The following DSP variants were observed in gnomAD, a reference collection of about 807,000 sequenced individuals.
The protein encoded by DSP is 250/210 kDa paraneoplastic pemphigus antigen.
DSP carries 114 observed loss-of-function variants against 290.6 expected under a neutral mutation model. That is an observed-to-expected ratio of 0.39 (90% CI 0.34 to 0.46). DSP has a LOEUF of 0.46. Ranked by LOEUF, DSP falls within the 20% of genes least tolerant of loss-of-function variation. The pLI is 0.99. For missense variants in DSP, 3,230 were observed against 3,495.8 expected (o/e 0.92, Z 1.92); for synonymous variants, 1,311 against 1,316.4 (o/e 1.00, Z 0.09).
rs142494121 is a variant in DSP at position 7,576,386 on chromosome 6, G to T, written c.2723G>T (p.Arg908Leu). Reference protein sequence around the residue: ...FCKWLYDAKRRQDSLESMKFG... With the variant: ...FCKWLYDAKRLQDSLESMKFG... ...AAGTGGCTCTATGATGCTAAACGCC[G>T]CCAGGATTCCTTAGAATCCATGAAA... The change falls in exon 19 of 24, where the codon CGC (arginine) becomes CTC (leucine). Residue 908 changes from arginine (R) to leucine (L), a missense_variant. This residue lies in a region of DSP where 1,714 missense variants were observed against 1,844.5 expected (regional missense o/e 0.93). Transcript: ENST00000379802. The T allele has an allele frequency of 6.8e-6, 11 of 1,613,962 alleles. No individual in the cohort carries two copies. The highest frequency in any genetic ancestry group is 5.0e-5 in the Admixed American group (3 of 60,000).
chr6:7,570,656 A>G, intron 13 of DSP, 93 bp downstream of exon 13: 2 of 1,575,860 alleles, frequency 1.3e-6, no homozygotes, highest in East Asian at 2.2e-5. Context: ...CTTGCTGTGT[A>G]GCAGTGCTTT....
intron 1 of DSP, among the ~76,000 whole-genome samples, chr6:7,550,102 A>G (rs1235125602): frequency 6.6e-6 from 1 of 152,154 alleles, no homozygotes; most frequent in Middle Eastern, 3.4e-3. Flanking sequence ...CAGTGGTGCA[A>G]TCTCGGCTCA....
At position 7,575,455 on chromosome 6, in the gene DSP, G is replaced by T. The variant is rs764965132; in HGVS notation, c.2597G>T (p.Arg866Leu). The change falls in exon 18 of 24, where the codon CGC becomes CTC. Residue 866 changes from arginine (R) to leucine (L), a missense_variant. This residue lies in a region of DSP where 1,714 missense variants were observed against 1,844.5 expected (regional missense o/e 0.93). Coordinates refer to ENST00000379802, the MANE Select transcript of DSP (RefSeq NM_004415.4). ...FGEKVTQLTD[R>L]WQRIDKQIDF... ...GAAAAAGTCACACAGCTGACAGACC[G>T]CTGGCAAAGGATAGATAAACAGATC... is the stretch of plus-strand genomic sequence containing the variant. 8 of 1,614,166 alleles carry T rather than the reference G, an allele frequency of 5.0e-6. No homozygotes were observed. In the South Asian group the frequency reaches 7.7e-5, roughly 16 times the overall value.
In DSP at chr6:7,580,778, G is replaced by A. The variant is rs141227126; in HGVS notation, c.4588G>A (p.Val1530Ile). ...GACGGAGACAATAAACAAACTGAAG[G>A]TTCAGGAGCAAGAACTGACACGCCT... The part of the protein sequence containing the change: ...SATETINKLK[V>I]QEQELTRLRI... Residue 1530 changes from valine (V) to isoleucine (I), a missense_variant, in exon 23 of 24, where the codon GTT becomes ATT. Val to Ile is a conservative substitution (Grantham distance 29, BLOSUM62 3). Around this residue, in one of 5 missense-constraint regions of DSP, gnomAD observed 1,714 missense variants for 1,844.5 expected, o/e 0.93. Transcript: ENST00000379802. This position sits in a 1 kb window ranked among gnomAD's most constrained non-coding sequence, Gnocchi z 4.2. 6 of 1,614,028 alleles carry A rather than the reference G, an allele frequency of 3.7e-6. No homozygotes were observed. In the South Asian group the frequency reaches 4.4e-5, roughly 12 times the overall value.
chr6:7,580,307 AC>A lies in DSP; in HGVS notation c.4119del (p.Lys1374ArgfsTer22). On this transcript the variant is annotated frameshift_variant, in exon 23 of 24. Coordinates refer to ENST00000379802, the MANE Select transcript of DSP (RefSeq NM_004415.4). LOFTEE classifies it high-confidence loss of function. This position sits in a 1 kb window ranked among gnomAD's most constrained non-coding sequence, Gnocchi z 4.2. ...TCAGTTTGAGACCGAGATCAACATC[AC>A]CAAGACCACCATCCACCAGCTCACC... is the stretch of plus-strand genomic sequence containing the variant. ...KNQFETEINITKTTIHQLTMQ... is the reference protein window; with the variant it reads ...KNQFETEINIXKTTIHQLTMQ... 1 of 1,614,040 alleles carries A rather than the reference AC, an allele frequency of 6.2e-7. No individual in the cohort carries two copies. Among genetic ancestry groups the A allele is most frequent in the Non-Finnish European group, 8.5e-7 (1 of 1,179,968 alleles).
intron 8 of DSP, 33 bp from the exon 9 acceptor site, chr6:7,567,321 T>C: frequency 6.3e-7 from 1 of 1,577,704 alleles, no homozygotes; most frequent in Non-Finnish European, 8.7e-7. Flanking sequence ...ACAACTGAGC[T>C]AGGCTAAGAC....
intron 2 of DSP, among the ~76,000 whole-genome samples, chr6:7,557,050 T>G (rs1290216883): frequency 6.6e-6 from 1 of 152,176 alleles, no homozygotes; most frequent in Non-Finnish European, 1.5e-5. Context: ...GTTAGGGAAA[T>G]AGTGTCATAT....
At position 7,584,712 on chromosome 6, in the gene DSP, A is replaced by C; in HGVS notation, c.7450A>C (p.Lys2484Gln). 2 of 1,614,222 alleles carry C rather than the reference A, an allele frequency of 1.2e-6. No individual in the cohort carries two copies. The highest frequency in any genetic ancestry group is 1.1e-5 in the South Asian group (1 of 91,084). Residue 2484 changes from lysine to glutamine, a missense_variant, in exon 24 of 24, where the codon AAG becomes CAG. Lys to Gln is a moderately conservative substitution (Grantham distance 53). Around this residue, in one of 5 missense-constraint regions of DSP, gnomAD observed 582 missense variants for 555.4 expected, o/e 1.05. Transcript: ENST00000379802. This position sits in a 1 kb window ranked among gnomAD's most constrained non-coding sequence, Gnocchi z 6.4. ...AGAAATGTCTGTTCAGGAGGCCTAC[A>C]AGAAGGGCCTAATTGATTATGAAAC... ...NKEMSVQEAY[K>Q]KGLIDYETFK...
chr6:7,581,384 G>A lies in DSP; in HGVS notation c.5194G>A (p.Asp1732Asn), dbSNP rs780224658. The change falls in exon 23 of 24, where the codon GAT becomes AAT. Residue 1732 changes from aspartate (D) to asparagine (N), a missense_variant. By Grantham distance (23) the Asp-to-Asn change is conservative. Around this residue, in one of 5 missense-constraint regions of DSP, gnomAD observed 1,714 missense variants for 1,844.5 expected, o/e 0.93. Transcript: ENST00000379802. ...EELRNLRLEYDDLRRGRSEAD... is the reference protein window; with the variant it reads ...EELRNLRLEYNDLRRGRSEAD... Reference sequence around the variant, plus strand: ...ACTGCGGAACCTGAGGCTGGAGTACGATGACCTGAGGAGAGGACGAAGCGA... The same window carrying A: ...ACTGCGGAACCTGAGGCTGGAGTACAATGACCTGAGGAGAGGACGAAGCGA... 45 of 1,614,066 alleles carry A rather than the reference G, an allele frequency of 2.8e-5. No homozygotes were observed. Among genetic ancestry groups the A allele is most frequent in the Non-Finnish European group, 3.5e-5 (41 of 1,180,044 alleles).
In DSP at chr6:7,569,262, G is replaced by T; in HGVS notation, c.1496G>T (p.Gly499Val). The T allele has an allele frequency of 1.9e-6, 3 of 1,614,194 alleles. No individual in the cohort carries two copies. The South Asian group carries it at 3.3e-5, about 18-fold the overall frequency. ...AGCAAGTGGTACGTGACGGGCCCGG[G>T]AGGCGTTGACATGCTTGTTCCCTCT... is the stretch of plus-strand genomic sequence containing the variant. ...ERSKWYVTGP[G>V]GVDMLVPSVG... is the part of the protein sequence containing the mutation. The change falls in exon 12 of 24, where the codon GGA (glycine) becomes GTA (valine). Residue 499 changes from glycine to valine, a missense_variant. By Grantham distance (109) the Gly-to-Val change is moderately radical. Around this residue, in one of 5 missense-constraint regions of DSP, gnomAD observed 646 missense variants for 684.3 expected, o/e 0.94. Coordinates refer to ENST00000379802, the MANE Select transcript of DSP (RefSeq NM_004415.4).
At chr6:7,563,599 T>C in intron 5 of DSP, 137 bp from the exon 6 acceptor site, 1 of 778,876 alleles carries the variant, frequency 1.3e-6, no homozygotes, top group Non-Finnish European at 2.2e-6. Context: ...GTGAAATATC[T>C]CATAGAGCTA....
chr6:7,579,399 C>T lies in DSP; in HGVS notation c.3209C>T (p.Ser1070Phe). 6.2e-7 allele frequency: 1 copy of T among 1,614,164 alleles called. No homozygotes were observed. The highest frequency in any genetic ancestry group is 8.5e-7 in the Non-Finnish European group (1 of 1,180,036). ...QNLQKYQAEC[S>F]QFKAKLASLE... is the part of the protein sequence containing the mutation. ...CTGCAGAAATACCAGGCAGAGTGTTCCCAGTTCAAAGCGAAGCTTGCGAGC... is the reference window on the plus strand; with the variant it reads ...CTGCAGAAATACCAGGCAGAGTGTTTCCAGTTCAAAGCGAAGCTTGCGAGC... Residue 1070 changes from serine to phenylalanine, a missense_variant, in exon 23 of 24, where the codon TCC becomes TTC. Ser to Phe is a radical substitution (Grantham distance 155). Transcript: ENST00000379802. The surrounding 1 kb of genome is among the most constrained non-coding windows in gnomAD (Gnocchi z 4.1).
Position 7,582,962 on chromosome 6 carries a change from A to C in DSP, c.5700A>C (p.Glu1900Asp). The C allele has an allele frequency of 6.2e-7, 1 of 1,614,120 alleles. No individual in the cohort carries two copies. The highest frequency in any genetic ancestry group is 8.5e-7 in the Non-Finnish European group (1 of 1,180,024). ...AGAACAGTCTTAGGAGTGAGATCGA[A>C]AGACTCCAAGCAGAGATCAAGAGAA... is the stretch of plus-strand genomic sequence containing the variant. ...REKNSLRSEI[E>D]RLQAEIKRIE... Residue 1900 changes from glutamate (E) to aspartate (D), a missense_variant, in exon 24 of 24, where the codon GAA becomes GAC. Transcript: ENST00000379802. This position sits in a 1 kb window ranked among gnomAD's most constrained non-coding sequence, Gnocchi z 4.2.
intron 15 of DSP, 139 bp from the exon 16 acceptor site, chr6:7,573,947 C>A: frequency 1.1e-6 from 1 of 927,874 alleles, no homozygotes; most frequent in Non-Finnish European, 1.7e-6. Context: ...TGGAAGTTGA[C>A]TGATGTGTTA....
intron 1 of DSP, among the ~76,000 whole-genome samples, chr6:7,551,629 CA>C (rs5874101): frequency 0.28 from 39,659 of 143,594 alleles, 5,667 homozygotes; most frequent in African/African-American, 0.39. Context: ...GACTCCTTCT[CA>C]AAAAAAAAAA....
In DSP at chr6:7,581,091, G is replaced by T. The variant is rs144106775; in HGVS notation, c.4901G>T (p.Arg1634Leu). ...IVKKRSEDDLRQQRDVLDGHL... is the reference protein window; with the variant it reads ...IVKKRSEDDLLQQRDVLDGHL... The stretch of plus-strand genomic sequence containing the variant: ...AAGAAGAGGAGTGAGGATGACCTCC[G>T]GCAGCAGAGGGACGTGCTGGATGGC... The change falls in exon 23 of 24, where the codon CGG (arginine) becomes CTG (leucine). Residue 1634 changes from arginine (R) to leucine (L), a missense_variant. Arg to Leu is a moderately radical substitution (Grantham distance 102). This residue lies in a region of DSP where 1,714 missense variants were observed against 1,844.5 expected (regional missense o/e 0.93). Transcript: ENST00000379802. The T allele has an allele frequency of 8.7e-6, 14 of 1,614,052 alleles. No homozygotes were observed. The highest frequency in any genetic ancestry group is 1.0e-5 in the Non-Finnish European group (12 of 1,180,024).
In DSP at chr6:7,582,913, A is replaced by G. The variant is rs1414563217; in HGVS notation, c.5651A>G (p.Glu1884Gly). Residue 1884 changes from glutamate (E) to glycine (G), a missense_variant, in exon 24 of 24, where the codon GAA becomes GGA. Glu to Gly is a moderately conservative substitution (Grantham distance 98). Coordinates refer to ENST00000379802, the MANE Select transcript of DSP (RefSeq NM_004415.4). This position sits in a 1 kb window ranked among gnomAD's most constrained non-coding sequence, Gnocchi z 4.2. ...GAGGCTATTAGGAAGATAGAATCGG[A>G]AAGAGAAAAGAGTGAGAGAGAGAAG... is the stretch of plus-strand genomic sequence containing the variant. ...KEEAIRKIES[E>G]REKSEREKNS... 2.5e-6 allele frequency: 4 copies of G among 1,614,090 alleles called. No individual in the cohort carries two copies. The highest frequency in any genetic ancestry group is 2.5e-6 in the Non-Finnish European group (3 of 1,180,032).
At chr6:7,562,374 T>G (rs1240353577) in intron 4 of DSP, among the ~76,000 whole-genome samples, 3 of 98,506 alleles carry the variant, frequency 3.0e-5, no homozygotes, top group African/African-American at 1.1e-4. Context: ...GTAGATTTGG[T>G]TTTTTTTTTT....
chr6:7,584,082 A>T lies in DSP; in HGVS notation c.6820A>T (p.Ile2274Phe), dbSNP rs1327531657. The T allele has an allele frequency of 6.2e-7, 1 of 1,614,186 alleles. No individual in the cohort carries two copies. The highest frequency in any genetic ancestry group is 1.1e-5 in the South Asian group (1 of 91,074). ...TGAGACCACAAAACAGAAGCTTGGCATTTATGAGGCCATGAAAATTGGCTT... is the reference window on the plus strand; with the variant it reads ...TGAGACCACAAAACAGAAGCTTGGCTTTTATGAGGCCATGAAAATTGGCTT... ...YNETTKQKLG[I>F]YEAMKIGLVR... Residue 2274 changes from isoleucine to phenylalanine, a missense_variant, in exon 24 of 24, where the codon ATT (isoleucine) becomes TTT (phenylalanine). By Grantham distance (21) the Ile-to-Phe change is conservative. This residue lies in a region of DSP where 207 missense variants were observed against 281.2 expected (regional missense o/e 0.74). Transcript: ENST00000379802. The surrounding 1 kb of genome is among the most constrained non-coding windows in gnomAD (Gnocchi z 6.4).
Sources: gnomAD v4.1 joint callset for allele counts (sites outside exome capture counted in the v4.1 genomes callset) on GRCh38, gnomAD v4.1.1 for gene constraint, gnomAD v4.1.1 regional missense constraint, Gnocchi (gnomAD v3.1) non-coding constraint, MANE v1.5 for transcripts, NCBI Gene and HGNC (gene_info 2026-07-23, HGNC 2026-07-21) for gene names.